Variants in KCNQ1 observed in about 807,000 individuals in gnomAD.
KCNQ1 encodes potassium voltage-gated channel subfamily KQT member 1.
A neutral mutation model predicts 72.4 loss-of-function variants in KCNQ1; 49 were observed. The observed-to-expected ratio is 0.68, with a 90% CI of 0.54 to 0.86. The LOEUF (loss-of-function observed/expected upper bound fraction) is 0.86, where lower values mean the gene tolerates loss of function less well. Among genes scored for constraint, KCNQ1 ranks in the 40% least tolerant of loss-of-function variants. KCNQ1 has a pLI of 0.00. For synonymous variants in KCNQ1, 450 were observed against 412.6 expected, an observed-to-expected ratio of 1.09 and a Z score of -1.10; for missense variants, 790 against 945.1, an observed-to-expected ratio of 0.84 and a Z score of 2.15.
At position 2,673,519 on chromosome 11, in the gene KCNQ1, C is replaced by G. The variant is rs1850227559; in HGVS notation, c.1514+11438C>G. 2.5e-6 allele frequency: 1 copy of G among 398,694 alleles called. No homozygotes were observed. Among genetic ancestry groups the G allele is most frequent in the East Asian group, 3.6e-5 (1 of 28,082 alleles). The allele number at this position is 398,694 out of a possible 1,614,324, so 24.7% of individuals were successfully genotyped here. On this transcript the variant is annotated intron_variant, in intron 11 of 15. Coordinates refer to ENST00000155840, the MANE Select transcript of KCNQ1 (RefSeq NM_000218.3). This position sits in a 1 kb window ranked among gnomAD's most constrained non-coding sequence, Gnocchi z 4.5. ...CACAACCACTTGTTGATGCTGACAGCCTGTAGAAAGATTGCTCTCAGCCTA... is the reference window on the plus strand; with the variant it reads ...CACAACCACTTGTTGATGCTGACAGGCTGTAGAAAGATTGCTCTCAGCCTA...
At chr11:2,636,629 T>A (rs1465706453) in intron 10 of KCNQ1, 15 of 152,090 alleles carry the variant, frequency 9.9e-5, no homozygotes, top group Non-Finnish European at 2.1e-4. Context: ...TCATCAGGGA[T>A]ATTGGTCTAA....
At chr11:2,521,405 C>T (rs1847380210) in intron 1 of KCNQ1, 1 of 433,322 alleles carries the variant, frequency 2.3e-6, no homozygotes, top group Non-Finnish European at 4.9e-6. Flanking sequence ...CCTCTCTGCT[C>T]ATGTCCTTCC....
chr11:2,777,036 G>A lies in KCNQ1; in HGVS notation c.1732+4G>A, dbSNP rs1846720105. Reference sequence around the variant, plus strand: ...TCACTGTTCATCTCCGTCTCAGGTGGGTTTCTGTGTCAGTTACTCTGGGCC... The same window carrying A: ...TCACTGTTCATCTCCGTCTCAGGTGAGTTTCTGTGTCAGTTACTCTGGGCC... On this transcript the variant is annotated splice_donor_region_variant and intron_variant, in intron 14 of 15. Transcript: ENST00000155840. 8 of 1,613,930 alleles carry A rather than the reference G, an allele frequency of 5.0e-6. No homozygotes were observed. The highest frequency in any genetic ancestry group is 6.8e-6 in the Non-Finnish European group (8 of 1,179,960).
chr11:2,648,199 T>G (rs2133838853), intron 10 of KCNQ1: 2 of 328,474 alleles, frequency 6.1e-6, no homozygotes, highest in Admixed American at 5.4e-5. Context: ...AGTGAGACCG[T>G]GTCTCGGGGG....
chr11:2,583,413 A>G (rs1012311639), intron 6 of KCNQ1, 22 bp from the exon 7 acceptor site: 1 of 1,561,032 alleles, frequency 6.4e-7, no homozygotes, highest in Non-Finnish European at 8.8e-7. Context: ...TCCGTGGCTG[A>G]CCACTGTCCC....
At chr11:2,747,748 A>G (rs1449580080) in intron 11 of KCNQ1, among the ~76,000 whole-genome samples, 5 of 152,014 alleles carry the variant, frequency 3.3e-5, no homozygotes, top group East Asian at 1.9e-4. Context: ...GAAAGGGAGG[A>G]CTGGTTGCCC....
At chr11:2,630,331 T>G (rs1198390372) in intron 10 of KCNQ1, 1 of 398,186 alleles carries the variant, frequency 2.5e-6, no homozygotes, top group African/African-American at 2.1e-5. Context: ...GTTGAAAATT[T>G]TTAAATGTAT....
intron 1 of KCNQ1, among the ~76,000 whole-genome samples, chr11:2,510,051 C>T (rs1847172844): frequency 6.6e-6 from 1 of 152,032 alleles, no homozygotes; most frequent in African/African-American, 2.4e-5. Flanking sequence ...GGGAGGATTG[C>T]TTGAGCCTAG....
intron 11 of KCNQ1, among the ~76,000 whole-genome samples, chr11:2,736,370 G>T (rs1283674268): frequency 6.6e-6 from 1 of 152,210 alleles, no homozygotes; most frequent in Non-Finnish European, 1.5e-5. Flanking sequence ...AGTGCCGAGG[G>T]CCCAGGTCCC....
At chr11:2,728,042 G>T (rs1326237648) in intron 11 of KCNQ1, among the ~76,000 whole-genome samples, 2 of 152,068 alleles carry the variant, frequency 1.3e-5, no homozygotes, top group Non-Finnish European at 2.9e-5. Context: ...TTGCCTCCCT[G>T]TTCCCCTCCT....
chr11:2,807,178 G>T (rs1359702732), intron 15 of KCNQ1, among the ~76,000 whole-genome samples: 1 of 152,184 alleles, frequency 6.6e-6, no homozygotes, highest in Non-Finnish European at 1.5e-5. Context: ...AGAAATGCAG[G>T]TTCATTATTA....
chr11:2,676,508 T>C lies in KCNQ1; in HGVS notation c.1514+14427T>C, dbSNP rs1850297263. ...CATCAGTTCCATTTCTGGTGAACAC[T>C]TGGACTTGGCAAAAGGCATAGAGGT... On this transcript the variant is annotated intron_variant, in intron 11 of 15. Coordinates refer to ENST00000155840, the MANE Select transcript of KCNQ1 (RefSeq NM_000218.3). The surrounding 1 kb of genome is among the most constrained non-coding windows in gnomAD (Gnocchi z 4.2). The C allele has an allele frequency of 7.5e-6, 3 of 398,668 alleles. No homozygotes were observed. The highest frequency in any genetic ancestry group is 1.3e-4 in the South Asian group (1 of 7,858). 24.7% of individuals were successfully genotyped at this position (398,668 alleles called of 1,614,324 possible). A position where few individuals can be genotyped will look rare whatever the true frequency, so the allele number is the denominator to read the frequency against.
In KCNQ1 at chr11:2,549,940, G is replaced by T. The variant is rs899807818; in HGVS notation, c.478-20688G>T. Among the ~76,000 whole-genome samples the T allele has an allele frequency of 6.6e-6, 1 of 152,196 alleles. No individual in the cohort carries two copies. The highest frequency in any genetic ancestry group is 1.5e-5 in the Non-Finnish European group (1 of 68,030). Reference sequence around the variant, plus strand: ...GCCCCCGCCACCCAGCGCGAGCCGCGTAGAGGAGCAGGAAGGGAGCCAGCT... The same window carrying T: ...GCCCCCGCCACCCAGCGCGAGCCGCTTAGAGGAGCAGGAAGGGAGCCAGCT... On this transcript the variant is annotated intron_variant, in intron 2 of 15. Transcript: ENST00000155840. The surrounding 1 kb of genome is among the most constrained non-coding windows in gnomAD (Gnocchi z 6.2).
chr11:2,796,934 G>A (rs1471856076), intron 15 of KCNQ1, among the ~76,000 whole-genome samples: 1 of 152,264 alleles, frequency 6.6e-6, no homozygotes, highest in African/African-American at 2.4e-5. Context: ...TCTGTGTGGA[G>A]TGAGACTGTG....
chr11:2,768,976 C>A lies in KCNQ1; in HGVS notation c.1590+57C>A. On this transcript the variant is annotated intron_variant, in intron 12 of 15. Transcript: ENST00000155840. The surrounding 1 kb of genome is among the most constrained non-coding windows in gnomAD (Gnocchi z 6.7). The stretch of plus-strand genomic sequence containing the variant: ...GCCTGCCCCTCGCAGCCTGATGCAG[C>A]TGCCCACACCTCTCCTGGGTTCTCT... 7.4e-7 allele frequency: 1 copy of A among 1,353,658 alleles called. No individual in the cohort carries two copies. The highest frequency in any genetic ancestry group is 1.1e-6 in the Non-Finnish European group (1 of 944,372). The allele number at this position is 1,353,658 out of a possible 1,614,324, so 83.9% of individuals were successfully genotyped here. A position where few individuals can be genotyped will look rare whatever the true frequency, so the allele number is the denominator to read the frequency against.
intron 5 of KCNQ1, 102 bp downstream of exon 5, chr11:2,572,211 G>T: frequency 1.2e-6 from 1 of 856,664 alleles, no homozygotes; most frequent in South Asian, 1.5e-5. Flanking sequence ...GAGGCCCCGG[G>T]GGCCGGTGGG....
intron 10 of KCNQ1, chr11:2,619,308 G>A (rs1849124484): frequency 2.5e-6 from 1 of 398,404 alleles, no homozygotes; most frequent in Non-Finnish European, 4.4e-6. Context: ...GTTAGCTGTG[G>A]GCTTTTCATA....
intron 15 of KCNQ1, among the ~76,000 whole-genome samples, chr11:2,802,930 C>G (rs1341842742): frequency 1.3e-5 from 2 of 152,238 alleles, no homozygotes; most frequent in Non-Finnish European, 2.9e-5. Context: ...GCCAGACCGG[C>G]CAGCCAGGGA....
Position 2,640,175 on chromosome 11 carries a change from C to T in KCNQ1, c.1394-21786C>T, listed in dbSNP as rs1314892123. On this transcript the variant is annotated intron_variant, in intron 10 of 15. Transcript: ENST00000155840. ...CTTCCCAGGTGAGGCGATGCCTCGCCCTACTTCGTCTCACACTCAGTGGGC... is the reference window on the plus strand; with the variant it reads ...CTTCCCAGGTGAGGCGATGCCTCGCTCTACTTCGTCTCACACTCAGTGGGC... 3 of 384,552 alleles carry T rather than the reference C, an allele frequency of 7.8e-6. No individual in the cohort carries two copies. The Admixed American group carries it at 1.3e-4, about 17-fold the overall frequency. 23.8% of individuals were successfully genotyped at this position (384,552 alleles called of 1,614,324 possible).
Sources: gnomAD v4.1 joint callset for allele counts (sites outside exome capture counted in the v4.1 genomes callset) on GRCh38, gnomAD v4.1.1 for gene constraint, Gnocchi (gnomAD v3.1) non-coding constraint, MANE v1.5 for transcripts, NCBI Gene and HGNC (gene_info 2026-07-23, HGNC 2026-07-21) for gene names.